The following SOX5 variants were observed in gnomAD, a reference collection of about 807,000 sequenced individuals.
SOX5 encodes the protein SRY-box transcription factor 5.
Under a neutral mutation model 92.0 loss-of-function variants are expected in SOX5, and 9 were observed. The ratio of observed to expected loss-of-function variants is 0.10; its 90% CI spans 0.06 to 0.17. The LOEUF (loss-of-function observed/expected upper bound fraction) is 0.17, where lower values mean the gene tolerates loss of function less well. Ranked by LOEUF, SOX5 falls within the 10% of genes least tolerant of loss-of-function variation. The pLI is 1.00. For synonymous variants in SOX5, 344 were observed against 336.3 expected (o/e 1.02, Z -0.25); for missense variants, 642 against 944.5 (o/e 0.68, Z 4.20).
chr12:23,738,095 C>T (rs2093667547), intron 5 of SOX5, among the ~76,000 whole-genome samples: 1 of 152,138 alleles, frequency 6.6e-6, no homozygotes, highest in African/African-American at 2.4e-5. Context: ...AGAACAAAAC[C>T]TGGCATCAAA....
intron 1 of SOX5, among the ~76,000 whole-genome samples, chr12:23,926,692 A>G (rs574304744): frequency 6.6e-6 from 1 of 152,068 alleles, no homozygotes; most frequent in African/African-American, 2.4e-5. Flanking sequence ...TACAAAATAA[A>G]GCATAATTTT....
chr12:24,485,299 T>A (rs1302884671), intron 1 of SOX5, among the ~76,000 whole-genome samples: 1 of 152,242 alleles, frequency 6.6e-6, no homozygotes, highest in Non-Finnish European at 1.5e-5. Flanking sequence ...AAGATTTTTC[T>A]AGCCTTGATA....
At chr12:24,278,204 A>C (rs973907107) in intron 2 of SOX5, among the ~76,000 whole-genome samples, 24 of 152,142 alleles carry the variant, frequency 1.6e-4, no homozygotes, top group African/African-American at 5.3e-4. Context: ...CACAAGGTTT[A>C]CAGTATTTGA....
chr12:23,810,174 GC>G (rs572553093), intron 3 of SOX5, among the ~76,000 whole-genome samples: 1 of 152,042 alleles, frequency 6.6e-6, no homozygotes, highest in Non-Finnish European at 1.5e-5. Flanking sequence ...GCCTTTTTAT[GC>G]TTTCCAAGTT....
chr12:23,840,687 G>A (rs1173157224), intron 3 of SOX5, among the ~76,000 whole-genome samples: 2 of 152,102 alleles, frequency 1.3e-5, no homozygotes, highest in African/African-American at 2.4e-5. Flanking sequence ...ACACAAATAC[G>A]TTCAATTGAT....
In SOX5 at chr12:23,533,706, A is replaced by G. The variant is rs1469158454; in HGVS notation, c.*513T>C. On this transcript the variant is annotated 3_prime_UTR_variant, in exon 15 of 15. Transcript: ENST00000451604. ...AATTCATTTTTCTTTTTTTTCTGTC[A>G]GGTGCATTACAAAGAAAAAAAATGA... The G allele has an allele frequency of 6.6e-6, 1 of 152,378 alleles. No homozygotes were observed. The highest frequency in any genetic ancestry group is 2.4e-5 in the African/African-American group (1 of 41,424). The allele number at this position is 152,378 out of a possible 1,614,324, so 9.4% of individuals were successfully genotyped here.
At chr12:24,206,671 G>T (rs1341656649) in intron 4 of SOX5, among the ~76,000 whole-genome samples, 2 of 151,994 alleles carry the variant, frequency 1.3e-5, no homozygotes, top group Non-Finnish European at 2.9e-5. Context: ...TTCAATACTG[G>T]TTTCCTTCTC....
intron 9 of SOX5, among the ~76,000 whole-genome samples, chr12:23,583,476 A>G (rs909358058): frequency 6.6e-6 from 1 of 152,150 alleles, no homozygotes. Context: ...GAACAGTTAT[A>G]ACATGAGCCA....
At chr12:24,401,591 T>C (rs1961624937) in intron 1 of SOX5, among the ~76,000 whole-genome samples, 1 of 151,246 alleles carries the variant, frequency 6.6e-6, no homozygotes, top group South Asian at 2.1e-4. Flanking sequence ...ATGCCTGTAG[T>C]CTCTGCTACT....
chr12:23,593,159 T>C (rs1951828106), intron 9 of SOX5, among the ~76,000 whole-genome samples: 1 of 152,172 alleles, frequency 6.6e-6, no homozygotes. Flanking sequence ...TAGTTCATGT[T>C]TCCTATATTC....
At chr12:24,128,804 T>C (rs919057206) in intron 4 of SOX5, among the ~76,000 whole-genome samples, 3 of 152,194 alleles carry the variant, frequency 2.0e-5, no homozygotes, top group African/African-American at 2.4e-5. Context: ...TATAATCTGA[T>C]TGATATCGTC....
intron 9 of SOX5, among the ~76,000 whole-genome samples, chr12:23,600,466 G>T (rs2074293441): frequency 1.4e-5 from 2 of 138,738 alleles, no homozygotes; most frequent in Non-Finnish European, 1.5e-5. Flanking sequence ...ATCTGTCAAT[G>T]CTCTTAATTC....
chr12:23,967,263 AT>A (rs1306242398), intron 4 of SOX5, among the ~76,000 whole-genome samples: 1 of 152,134 alleles, frequency 6.6e-6, no homozygotes, highest in African/African-American at 2.4e-5. Context: ...AATGTGAAAA[AT>A]ATCTCTGTTT....
At chr12:24,212,750 C>G (rs777827105) in intron 4 of SOX5, among the ~76,000 whole-genome samples, 1 of 152,206 alleles carries the variant, frequency 6.6e-6, no homozygotes, top group South Asian at 2.1e-4. Context: ...TCCCAGGAGA[C>G]TCTTTGACTA....
intron 4 of SOX5, among the ~76,000 whole-genome samples, chr12:24,151,322 G>A (rs1951630173): frequency 6.6e-6 from 1 of 152,038 alleles, no homozygotes; most frequent in African/African-American, 2.4e-5. Context: ...CTGCAAAGGT[G>A]TATGTACATA....
chr12:24,158,761 C>T (rs1455879484), intron 4 of SOX5, among the ~76,000 whole-genome samples: 3 of 151,798 alleles, frequency 2.0e-5, no homozygotes, highest in African/African-American at 4.8e-5. Context: ...AAACAAAAGT[C>T]ATTTTGAGCC....
intron 9 of SOX5, among the ~76,000 whole-genome samples, chr12:23,585,059 C>T (rs1189327244): frequency 1.3e-5 from 2 of 151,998 alleles, no homozygotes; most frequent in Non-Finnish European, 2.9e-5. Flanking sequence ...ATAACTAACT[C>T]GATAAATTCT....
At chr12:23,933,672 GACA>G (rs1353757887) in intron 1 of SOX5, among the ~76,000 whole-genome samples, 1 of 151,538 alleles carries the variant, frequency 6.6e-6, no homozygotes, top group Non-Finnish European at 1.5e-5. Flanking sequence ...TTCAAATGAA[GACA>G]ACTTGTGCTA....
intron 1 of SOX5, among the ~76,000 whole-genome samples, chr12:24,451,339 G>A (rs944143756): frequency 6.6e-6 from 1 of 152,110 alleles, no homozygotes; most frequent in Non-Finnish European, 1.5e-5. Context: ...AGGTCATGTG[G>A]TAGCTCAATG....
Sources: allele counts gnomAD v4.1 joint callset (sites outside exome capture counted in the v4.1 genomes callset), GRCh38; gene constraint gnomAD v4.1.1; transcripts MANE v1.5; gene names NCBI Gene and HGNC (gene_info 2026-07-23, HGNC 2026-07-21).